The following SYNM variants were observed in gnomAD, a reference collection of about 807,000 sequenced individuals.
SYNM encodes synemin, also known as desmuslin.
A neutral mutation model predicts 104.0 loss-of-function variants in SYNM; 95 were observed. The observed-to-expected ratio is 0.91, with a 90% CI of 0.77 to 1.08. The LOEUF (loss-of-function observed/expected upper bound fraction) is 1.08. Ranked by LOEUF, SYNM falls within the 50% of genes least tolerant of loss-of-function variation. The pLI is 0.00. For synonymous variants in SYNM, 918 were observed against 869.0 expected (o/e 1.06, Z -0.99); for missense variants, 2,150 against 2,052.2 (o/e 1.05, Z -0.92).
In SYNM at chr15:99,108,363, GTTAAC is replaced by G. The variant is rs782320454; in HGVS notation, c.810+2359_810+2363del. Among the ~76,000 whole-genome samples, 5 of 152,044 alleles carry G rather than the reference GTTAAC, an allele frequency of 3.3e-5. No homozygotes were observed. The East Asian group carries it at 5.8e-4, about 18-fold the overall frequency. ...TGTCCATATACTGAATCTTCCCTCAGTTAACTTAAGTCAACTCCATTTCAAATTGC... is the reference window on the plus strand; with the variant it reads ...TGTCCATATACTGAATCTTCCCTCAGTTAAGTCAACTCCATTTCAAATTGC... On this transcript the variant is annotated intron_variant, in intron 1 of 3. Coordinates refer to ENST00000336292, the MANE Select transcript of SYNM (RefSeq NM_145728.3).
In SYNM at chr15:99,133,893, C is replaced by T. The variant is rs1555486370; in HGVS notation, c.*835C>T. 1 of 152,158 alleles carries T rather than the reference C, an allele frequency of 6.6e-6. No homozygotes were observed. The highest frequency in any genetic ancestry group is 2.4e-5 in the African/African-American group (1 of 41,396). The allele number at this position is 152,158 out of a possible 1,614,324, so 9.4% of individuals were successfully genotyped here. ...CTGTGCAGACTTGCGCTTCTCTGCA[C>T]CTTATCCCTTAGCACCCAAACATTT... On this transcript the variant is annotated 3_prime_UTR_variant, in exon 4 of 4. Transcript: ENST00000336292.
At chr15:99,116,690 T>C (rs2067353015) in intron 2 of SYNM, among the ~76,000 whole-genome samples, 1 of 141,696 alleles carries the variant, frequency 7.1e-6, no homozygotes, top group Non-Finnish European at 1.6e-5. Flanking sequence ...CTTTTTGACA[T>C]GGAGTCTCAC....
chr15:99,110,083 C>G (rs55803543), intron 1 of SYNM, among the ~76,000 whole-genome samples: 112,888 of 152,122 alleles, frequency 0.74, 41,973 homozygotes, highest in Middle Eastern at 0.79. Flanking sequence ...CTCAGAGGGG[C>G]CCCTGCGTTC....
At chr15:99,115,464 A>ATTTTTTTTTTTTTTTTTT (rs2067339355) in intron 2 of SYNM, among the ~76,000 whole-genome samples, 1 of 99,780 alleles carries the variant, frequency 1.0e-5, no homozygotes, top group African/African-American at 4.2e-5. Context: ...TATTTATTTT[A>ATTTTTTTTTTTTTTTTTT]TTCTATTTTT....
At chr15:99,106,132 C>G (rs1282774974) in intron 1 of SYNM, 123 bp downstream of exon 1, 2 of 1,096,144 alleles carry the variant, frequency 1.8e-6, no homozygotes, top group Non-Finnish European at 1.2e-6. Flanking sequence ...CGGTAGGGCC[C>G]GCCCAGAGGG....
chr15:99,123,645 T>C (rs1355799451), intron 2 of SYNM, among the ~76,000 whole-genome samples: 1 of 152,214 alleles, frequency 6.6e-6, no homozygotes, highest in East Asian at 1.9e-4. Flanking sequence ...TGCGGCTCCT[T>C]CTCCAGCTCC....
chr15:99,129,351 T>C lies in SYNM; in HGVS notation c.1007-16T>C, dbSNP rs782217745. On this transcript the variant is annotated splice_polypyrimidine_tract_variant and intron_variant, in intron 3 of 3. Transcript: ENST00000336292. ...ATGACTGTCATTTTAATGAATGCTT[T>C]GTTCAATTTCTACAGAATTCAGAAA... 9 of 1,605,982 alleles carry C rather than the reference T, an allele frequency of 5.6e-6. No individual in the cohort carries two copies. Among genetic ancestry groups the C allele is most frequent in the Middle Eastern group, 1.7e-4 (1 of 6,040 alleles).
intron 2 of SYNM, among the ~76,000 whole-genome samples, chr15:99,115,210 T>G (rs1260349372): frequency 6.6e-6 from 1 of 152,108 alleles, no homozygotes; most frequent in Non-Finnish European, 1.5e-5. Context: ...GTGGAGGGTG[T>G]GAGCAAGCTG....
chr15:99,121,622 T>C (rs1340981193), intron 2 of SYNM, among the ~76,000 whole-genome samples: 1 of 152,210 alleles, frequency 6.6e-6, no homozygotes, highest in Non-Finnish European at 1.5e-5. Context: ...TCACTGCCGA[T>C]GTGAAGACCT....
rs1555482575 is a variant in SYNM, at chr15:99,105,732, C to T, written c.533C>T (p.Pro178Leu). The change falls in exon 1 of 4, where the codon CCA (proline) becomes CTA (leucine). Residue 178 changes from proline to leucine, a missense_variant. Coordinates refer to ENST00000336292, the MANE Select transcript of SYNM (RefSeq NM_145728.3). ...ARATGPAAPP[P>L]RLREVHDSYA... ...GCCACCGGCCCCGCCGCGCCGCCGC[C>T]ACGCCTGCGGGAGGTGCACGACAGC... The T allele has an allele frequency of 1.3e-6, 2 of 1,505,206 alleles. No homozygotes were observed. Among genetic ancestry groups the T allele is most frequent in the East Asian group, 2.8e-5 (1 of 36,196 alleles). 93.2% of individuals were successfully genotyped at this position (1,505,206 alleles called of 1,614,324 possible). A position where few individuals can be genotyped will look rare whatever the true frequency, so the allele number is the denominator to read the frequency against.
intron 2 of SYNM, among the ~76,000 whole-genome samples, chr15:99,116,026 G>C (rs2067345564): frequency 6.6e-6 from 1 of 152,258 alleles, no homozygotes; most frequent in Non-Finnish European, 1.5e-5. Context: ...CAGGGACATG[G>C]AGTCCATGGA....
rs782023968 is a variant in SYNM at position 99,132,859 on chromosome 15, C to G, written c.4499C>G (p.Ala1500Gly). The G allele has an allele frequency of 3.3e-5, 54 of 1,613,772 alleles. No homozygotes were observed. The African/African-American group carries it at 6.0e-4, about 18-fold the overall frequency. ...GACGCGGACAGTAGGAATGACCAGG[C>G]AGTTGGTGTGAGCTTTAAGGCCTCT... ...WRDADSRNDQ[A>G]VGVSFKASAG... Residue 1500 changes from alanine (A) to glycine (G), a missense_variant, in exon 4 of 4, where the codon GCA becomes GGA. By Grantham distance (60) the Ala-to-Gly change is moderately conservative. Transcript: ENST00000336292.
intron 1 of SYNM, among the ~76,000 whole-genome samples, chr15:99,107,723 G>A (rs782083767): frequency 6.6e-6 from 1 of 152,140 alleles, no homozygotes; most frequent in Non-Finnish European, 1.5e-5. Context: ...GGGACTTGAA[G>A]TGCAGTTAGA....
At chr15:99,124,424 T>G (rs1355605488) in intron 2 of SYNM, among the ~76,000 whole-genome samples, 1 of 152,098 alleles carries the variant, frequency 6.6e-6, no homozygotes, top group Non-Finnish European at 1.5e-5. Context: ...TCACAGATAG[T>G]AAAGGTGACA....
intron 2 of SYNM, among the ~76,000 whole-genome samples, chr15:99,120,647 T>A (rs1274610144): frequency 5.3e-5 from 8 of 152,158 alleles, no homozygotes; most frequent in African/African-American, 1.9e-4. Flanking sequence ...GGGCTGTAGA[T>A]GAGGCAGCAT....
chr15:99,107,635 C>T (rs984745067), intron 1 of SYNM, among the ~76,000 whole-genome samples: 1 of 152,186 alleles, frequency 6.6e-6, no homozygotes, highest in Non-Finnish European at 1.5e-5. Flanking sequence ...AAGCCCTTTT[C>T]CCCACTAATG....
chr15:99,135,608 AGAAT>A (rs1309056061), downstream of SYNM: 16 of 152,696 alleles, frequency 1.0e-4, no homozygotes, highest in Admixed American at 9.8e-4. Context: ...GTTCCTAAAG[AGAAT>A]GAATATTTTC....
Position 99,130,190 on chromosome 15 carries a change from G to GC in SYNM, c.1830_1831insC (p.Ala611ArgfsTer14). 6.2e-7 allele frequency: 1 copy of GC among 1,613,930 alleles called. No individual in the cohort carries two copies. Among genetic ancestry groups the GC allele is most frequent in the East Asian group, 2.2e-5 (1 of 44,878 alleles). On this transcript the variant is annotated frameshift_variant, in exon 4 of 4. Coordinates refer to ENST00000336292, the MANE Select transcript of SYNM (RefSeq NM_145728.3). LOFTEE classifies it high-confidence loss of function. ...ATGCTGGTGGTGGGACCGGTAGAGA[G>GC]GCAGAAGCAAGAGAGCTACGGTTCA...
At position 99,130,697 on chromosome 15, in the gene SYNM, C is replaced by T. The variant is rs368611651; in HGVS notation, c.2337C>T (p.Gly779=). The change falls in exon 4 of 4, where the codon GGC becomes GGT. Residue 779 remains glycine (G), a synonymous_variant. Transcript: ENST00000336292. ...AGGAGGTCGAAGATGTGTCGCCAGG[C>T]CCCTGGGGGTTGGTTAAGGAGGAGG... ...KVEEVEDVSP[G]PWGLVKEEEG... is the part of the protein sequence containing the mutation. The T allele has an allele frequency of 7.3e-5, 118 of 1,613,718 alleles. No homozygotes were observed. The highest frequency in any genetic ancestry group is 9.5e-5 in the Non-Finnish European group (112 of 1,179,864).
Sources: allele counts gnomAD v4.1 joint callset (sites outside exome capture counted in the v4.1 genomes callset), GRCh38; gene constraint gnomAD v4.1.1; transcripts MANE v1.5; gene names NCBI Gene and HGNC (gene_info 2026-07-23, HGNC 2026-07-21).